The following TMEM132B variants were observed in gnomAD, a reference collection of about 807,000 sequenced individuals.
TMEM132B encodes the protein transmembrane protein 132B.
A neutral mutation model predicts 90.8 loss-of-function variants in TMEM132B; 18 were observed. That is an observed-to-expected ratio of 0.20 (90% CI 0.14 to 0.29). TMEM132B has a LOEUF of 0.29. Ranked by LOEUF, TMEM132B falls within the 10% of genes least tolerant of loss-of-function variation. The pLI is 1.00. For synonymous variants in TMEM132B, 504 were observed against 523.3 expected, an observed-to-expected ratio of 0.96 and a Z score of 0.50; for missense variants, 1,096 against 1,326.8, an observed-to-expected ratio of 0.83 and a Z score of 2.70.
rs891020805 is a variant in TMEM132B, at chr12:125,459,856, C to T, written c.1106+44179C>T. 2.0e-4 allele frequency among the ~76,000 whole-genome samples: 30 copies of T among 152,136 alleles called. No individual in the cohort carries two copies. Among genetic ancestry groups the T allele is most frequent in the African/African-American group, 4.8e-5 (2 of 41,426 alleles). ...AGCAGTTTCCCCCATACTGTTTTCA[C>T]GGTAGTGGATAAGTCTCATGAGATC... is the stretch of plus-strand genomic sequence containing the variant. On this transcript the variant is annotated intron_variant, in intron 3 of 8. Coordinates refer to ENST00000682704, the MANE Select transcript of TMEM132B (RefSeq NM_001366854.1). The surrounding 1 kb of genome is among the most constrained non-coding windows in gnomAD (Gnocchi z 4.1).
chr12:125,659,194 G>A lies in TMEM132B; in HGVS notation c.*4484G>A, dbSNP rs973584265. On this transcript the variant is annotated 3_prime_UTR_variant, in exon 9 of 9. Coordinates refer to ENST00000682704, the MANE Select transcript of TMEM132B (RefSeq NM_001366854.1). ...CAAAAGAAAACATTTCTTAAAAGTTGCCAACGTATTTTACCTTGAAAACAT... is the reference window on the plus strand; with the variant it reads ...CAAAAGAAAACATTTCTTAAAAGTTACCAACGTATTTTACCTTGAAAACAT... 2 of 152,108 alleles carry A rather than the reference G, an allele frequency of 1.3e-5. No individual in the cohort carries two copies. Among genetic ancestry groups the A allele is most frequent in the Non-Finnish European group, 2.9e-5 (2 of 68,008 alleles). The allele number at this position is 152,108 out of a possible 1,614,324, so 9.4% of individuals were successfully genotyped here.
chr12:125,253,072 C>G (rs1033621676), intron 1 of TMEM132B, among the ~76,000 whole-genome samples: 1 of 152,188 alleles, frequency 6.6e-6, no homozygotes, highest in Non-Finnish European at 1.5e-5. Flanking sequence ...TGTGAGCTGT[C>G]TTGTTGTAAG....
intron 1 of TMEM132B, among the ~76,000 whole-genome samples, chr12:125,261,955 C>T (rs1346619078): frequency 6.6e-6 from 1 of 152,088 alleles, no homozygotes; most frequent in East Asian, 1.9e-4. Flanking sequence ...GTCGGCCTCC[C>T]AAAGTGCTTG....
intron 2 of TMEM132B, among the ~76,000 whole-genome samples, chr12:125,362,487 C>G (rs1202940901): frequency 1.3e-5 from 2 of 152,098 alleles, no homozygotes; most frequent in Admixed American, 1.3e-4. Context: ...TGAAATCGAC[C>G]CTATTAACAC....
intron 1 of TMEM132B, among the ~76,000 whole-genome samples, chr12:125,319,711 C>T (rs561550655): frequency 6.6e-6 from 1 of 152,268 alleles, no homozygotes. Context: ...CACATAGGTC[C>T]AGTGATCAGA....
chr12:125,406,249 C>T lies in TMEM132B; in HGVS notation c.960-9282C>T, dbSNP rs1001905488. Among the ~76,000 whole-genome samples the T allele has an allele frequency of 1.3e-5, 2 of 152,230 alleles. No individual in the cohort carries two copies. Among genetic ancestry groups the T allele is most frequent in the Admixed American group, 6.5e-5 (1 of 15,290 alleles). ...AACTTCCCTTCCCTGGTCATACCCA[C>T]ACAATTTGCCTGTCTAGTGATGCTC... On this transcript the variant is annotated intron_variant, in intron 2 of 8. Coordinates refer to ENST00000682704, the MANE Select transcript of TMEM132B (RefSeq NM_001366854.1). The surrounding 1 kb of genome is among the most constrained non-coding windows in gnomAD (Gnocchi z 8.3).
chr12:125,274,532 TAATGCTCATTGTC>T (rs1874935617), intron 1 of TMEM132B, among the ~76,000 whole-genome samples: 2 of 152,258 alleles, frequency 1.3e-5, no homozygotes, highest in African/African-American at 2.4e-5. Context: ...GCATTGTTGT[TAATGCTCATTGTC>T]AATGCTCATT....
intron 1 of TMEM132B, among the ~76,000 whole-genome samples, chr12:125,202,199 G>C (rs1873078480): frequency 6.6e-6 from 1 of 152,240 alleles, no homozygotes; most frequent in Admixed American, 6.5e-5. Context: ...TGAAAGCGCT[G>C]GGGAAGAAGT....
intron 5 of TMEM132B, among the ~76,000 whole-genome samples, chr12:125,589,278 C>T (rs189482317): frequency 0.012 from 1,770 of 151,888 alleles, 19 homozygotes; most frequent in African/African-American, 0.033. Flanking sequence ...GTCAGGAGAT[C>T]GAGACCATCC....
intron 5 of TMEM132B, among the ~76,000 whole-genome samples, chr12:125,636,138 C>A (rs1166356540): frequency 6.6e-6 from 1 of 152,100 alleles, no homozygotes; most frequent in East Asian, 1.9e-4. Flanking sequence ...TTTTGGTTCC[C>A]ATGAAGGTGC....
chr12:125,381,949 T>G (rs897373606), intron 2 of TMEM132B, among the ~76,000 whole-genome samples: 1 of 152,182 alleles, frequency 6.6e-6, no homozygotes, highest in Non-Finnish European at 1.5e-5. Context: ...CTGGTGCTTC[T>G]GATCAGATGT....
chr12:125,478,261 A>T (rs1223295108), intron 3 of TMEM132B, among the ~76,000 whole-genome samples: 1 of 152,228 alleles, frequency 6.6e-6, no homozygotes, highest in South Asian at 2.1e-4. Flanking sequence ...AGGATGGAGA[A>T]TGACTGACGA....
At chr12:125,369,775 C>T (rs553951883) in intron 2 of TMEM132B, among the ~76,000 whole-genome samples, 8 of 152,282 alleles carry the variant, frequency 5.3e-5, no homozygotes, top group South Asian at 2.1e-4. Flanking sequence ...ATGGGCCGGG[C>T]GTGGTGGCTT....
At chr12:125,420,607 T>A (rs1880142237) in intron 3 of TMEM132B, among the ~76,000 whole-genome samples, 1 of 152,208 alleles carries the variant, frequency 6.6e-6, no homozygotes, top group Non-Finnish European at 1.5e-5. Context: ...GTCTGTGACA[T>A]GCCCTGGAGA....
At chr12:125,418,211 C>T (rs1207618851) in intron 3 of TMEM132B, among the ~76,000 whole-genome samples, 1 of 152,074 alleles carries the variant, frequency 6.6e-6, no homozygotes. Context: ...TGGGCCACGG[C>T]TATCACTTTT....
intron 1 of TMEM132B, among the ~76,000 whole-genome samples, chr12:125,237,361 C>A (rs1177809926): frequency 6.6e-6 from 1 of 152,162 alleles, no homozygotes; most frequent in Admixed American, 6.5e-5. Flanking sequence ...ACCGCCCCAG[C>A]CCAAGCAGGC....
At chr12:125,350,475 T>A in intron 2 of TMEM132B, 132 bp downstream of exon 2, 1 of 1,085,564 alleles carries the variant, frequency 9.2e-7, no homozygotes, top group Non-Finnish European at 1.3e-6. Context: ...ATTAAAGTGG[T>A]GAAAACAGAT....
chr12:125,617,620 C>T (rs1191494706), intron 5 of TMEM132B, among the ~76,000 whole-genome samples: 1 of 152,192 alleles, frequency 6.6e-6, no homozygotes, highest in Non-Finnish European at 1.5e-5. Flanking sequence ...GCTGGGATTA[C>T]AGGCGTGAGC....
chr12:125,537,901 T>C (rs920844608), intron 4 of TMEM132B, among the ~76,000 whole-genome samples: 3 of 152,142 alleles, frequency 2.0e-5, no homozygotes, highest in Non-Finnish European at 4.4e-5. Flanking sequence ...AACATGGGGA[T>C]AACAGCACCT....
Sources: gnomAD v4.1 joint callset for allele counts (sites outside exome capture counted in the v4.1 genomes callset) on GRCh38, gnomAD v4.1.1 for gene constraint, Gnocchi (gnomAD v3.1) non-coding constraint, MANE v1.5 for transcripts, NCBI Gene and HGNC (gene_info 2026-07-23, HGNC 2026-07-21) for gene names.